Variants in UXS1 observed in about 807,000 individuals in gnomAD.
UXS1 encodes UDP-glucuronic acid decarboxylase 1.
UXS1 carries 33 observed loss-of-function variants against 62.6 expected under a neutral mutation model. The ratio of observed to expected loss-of-function variants is 0.53; its 90% CI spans 0.40 to 0.70. UXS1 has a LOEUF of 0.70. UXS1 is among the 30% of genes least tolerant of loss of function. The probability of loss-of-function intolerance (pLI) is 0.00; values close to 1 mark genes in which losing one functional copy is unlikely to be tolerated. For missense variants in UXS1, 434 were observed against 556.3 expected, an observed-to-expected ratio of 0.78 and a Z score of 2.21; for synonymous variants, 213 against 206.8, an observed-to-expected ratio of 1.03 and a Z score of -0.26.
intron 1 of UXS1, among the ~76,000 whole-genome samples, chr2:106,173,765 A>T (rs1683707806): frequency 6.6e-6 from 1 of 152,214 alleles, no homozygotes; most frequent in Admixed American, 6.5e-5. Context: ...AGGTGCTGTG[A>T]ACTAGTATTC....
At chr2:106,098,661 A>G in intron 13 of UXS1, 55 bp downstream of exon 13, 1 of 1,469,382 alleles carries the variant, frequency 6.8e-7, no homozygotes, top group Non-Finnish European at 9.4e-7. Flanking sequence ...AGGTGTTATT[A>G]ACAGATAGGG....
intron 11 of UXS1, 70 bp from the exon 12 acceptor site, chr2:106,101,188 GCCCTCCC>G: frequency 6.6e-7 from 1 of 1,509,396 alleles, no homozygotes; most frequent in Admixed American, 2.2e-5. Context: ...CCACATAGAA[GCCCTCCC>G]AGAAGAAAAA....
intron 1 of UXS1, among the ~76,000 whole-genome samples, chr2:106,188,937 A>C (rs781371755): frequency 6.6e-6 from 1 of 152,268 alleles, no homozygotes; most frequent in Non-Finnish European, 1.5e-5. Context: ...TCACAGAACA[A>C]AAAAGAACTC....
intron 13 of UXS1, among the ~76,000 whole-genome samples, chr2:106,098,261 T>C (rs1388360399): frequency 6.6e-6 from 1 of 152,224 alleles, no homozygotes; most frequent in Non-Finnish European, 1.5e-5. Flanking sequence ...TCCACCTTGA[T>C]GGGGTGCTCC....
At chr2:106,193,373 A>G (rs1202824792) in intron 1 of UXS1, among the ~76,000 whole-genome samples, 1 of 152,074 alleles carries the variant, frequency 6.6e-6, no homozygotes, top group Non-Finnish European at 1.5e-5. Flanking sequence ...ATAGATCTTT[A>G]AAAGGACGGT....
At chr2:106,101,199 A>G in intron 11 of UXS1, 81 bp from the exon 12 acceptor site, 1 of 1,453,424 alleles carries the variant, frequency 6.9e-7, no homozygotes, top group African/African-American at 1.4e-5. Flanking sequence ...CCCTCCCAGA[A>G]GAAAAATTAC....
chr2:106,189,066 A>G (rs1232165091), intron 1 of UXS1, among the ~76,000 whole-genome samples: 2 of 152,236 alleles, frequency 1.3e-5, no homozygotes, highest in African/African-American at 2.4e-5. Context: ...AAAATAGGAA[A>G]TAAGAGGATT....
Position 106,186,457 on chromosome 2 carries a change from T to TATACAC in UXS1, c.94+7690_94+7691insGTGTAT, listed in dbSNP as rs375660148. ...CTCTGGGCTTTTATATATATATATA[T>TATACAC]ACACACACACACACACACATATACA... On this transcript the variant is annotated intron_variant, in intron 1 of 14. Coordinates refer to ENST00000283148, the MANE Select transcript of UXS1 (RefSeq NM_001253875.2). Among the ~76,000 whole-genome samples the TATACAC allele has an allele frequency of 3.0e-3, 447 of 148,796 alleles. 5 individuals carry two copies. Among genetic ancestry groups the TATACAC allele is most frequent in the African/African-American group, 0.011 (425 of 40,142 alleles).
intron 1 of UXS1, 190 bp from the exon 2 acceptor site, chr2:106,166,273 TAG>T: frequency 1.7e-6 from 1 of 575,356 alleles, no homozygotes; most frequent in East Asian, 3.2e-5. Context: ...AACAGGATCG[TAG>T]AGTTTATTCA....
chr2:106,160,818 T>G (rs1314095989), intron 4 of UXS1, among the ~76,000 whole-genome samples: 1 of 152,230 alleles, frequency 6.6e-6, no homozygotes, highest in Non-Finnish European at 1.5e-5. Context: ...CTGAAACCTT[T>G]AATTTAAAAA....
intron 10 of UXS1, among the ~76,000 whole-genome samples, chr2:106,107,519 C>T (rs762197858): frequency 2.3e-4 from 35 of 152,168 alleles, no homozygotes; most frequent in Non-Finnish European, 4.0e-4. Flanking sequence ...GCCCCCCGAC[C>T]GGGATGGGTT....
chr2:106,164,216 T>A (rs568993822), intron 3 of UXS1, among the ~76,000 whole-genome samples: 1 of 152,346 alleles, frequency 6.6e-6, no homozygotes, highest in East Asian at 1.9e-4. Flanking sequence ...CTAAGTTGGC[T>A]TCAAATCCAA....
At chr2:106,153,986 G>A (rs771822183) in intron 5 of UXS1, among the ~76,000 whole-genome samples, 3 of 152,162 alleles carry the variant, frequency 2.0e-5, no homozygotes, top group Non-Finnish European at 4.4e-5. Flanking sequence ...CTAGGCTAAA[G>A]AATCAGCAAA....
rs1258409520 is a variant in UXS1, at chr2:106,181,571, T to C, written c.94+12577A>G. 3.3e-5 allele frequency among the ~76,000 whole-genome samples: 5 copies of C among 152,026 alleles called. No individual in the cohort carries two copies. In the East Asian group the frequency reaches 9.7e-4, roughly 29 times the overall value. ...CTGTCTCAACTAAAATACAAAAAACTAGCCGGGCATGGTGGCGTGCGCCTG... is the reference window on the plus strand; with the variant it reads ...CTGTCTCAACTAAAATACAAAAAACCAGCCGGGCATGGTGGCGTGCGCCTG... On this transcript the variant is annotated intron_variant, in intron 1 of 14. Transcript: ENST00000283148.
intron 8 of UXS1, among the ~76,000 whole-genome samples, chr2:106,124,412 A>G (rs956223177): frequency 3.3e-5 from 5 of 152,236 alleles, no homozygotes; most frequent in African/African-American, 1.2e-4. Context: ...GACAGCTTAC[A>G]TTGTTAATAC....
chr2:106,103,223 T>C (rs1677740642), intron 11 of UXS1, among the ~76,000 whole-genome samples: 1 of 152,234 alleles, frequency 6.6e-6, no homozygotes, highest in Non-Finnish European at 1.5e-5. Flanking sequence ...GAAAAGTCTC[T>C]GAGGCTATTT....
At chr2:106,139,354 A>T (rs994360709) in intron 6 of UXS1, among the ~76,000 whole-genome samples, 4 of 152,180 alleles carry the variant, frequency 2.6e-5, no homozygotes, top group Non-Finnish European at 5.9e-5. Flanking sequence ...CCTACCAGAG[A>T]GCATGCAGGG....
At chr2:106,164,713 A>T in intron 3 of UXS1, 23 bp downstream of exon 3, 1 of 1,518,374 alleles carries the variant, frequency 6.6e-7, no homozygotes, top group Non-Finnish European at 9.0e-7. Flanking sequence ...TGAAATAGAT[A>T]CAAAAATAGA....
intron 6 of UXS1, among the ~76,000 whole-genome samples, chr2:106,137,348 T>A (rs996436937): frequency 1.1e-4 from 17 of 152,296 alleles, no homozygotes; most frequent in African/African-American, 4.1e-4. Flanking sequence ...ACAGACCGGG[T>A]CAGTTCCTGC....
Sources: allele counts gnomAD v4.1 joint callset (sites outside exome capture counted in the v4.1 genomes callset), GRCh38; gene constraint gnomAD v4.1.1; transcripts MANE v1.5; gene names NCBI Gene and HGNC (gene_info 2026-07-23, HGNC 2026-07-21).